Variants in AP2B1 observed in about 807,000 individuals in gnomAD.
AP2B1 encodes adaptor related protein complex 2 subunit beta 1, also known as AP-2 complex subunit beta.
In AP2B1, 23 loss-of-function variants were observed where a neutral mutation model predicts 102.0. That is an observed-to-expected ratio of 0.23 (90% CI 0.16 to 0.32). The LOEUF is 0.32. AP2B1 is among the 10% of genes least tolerant of loss of function. The probability of loss-of-function intolerance (pLI) is 1.00; values close to 1 mark genes in which losing one functional copy is unlikely to be tolerated. For synonymous variants in AP2B1, 381 were observed against 421.2 expected, an observed-to-expected ratio of 0.90 and a Z score of 1.17; for missense variants, 541 against 1,157.4, an observed-to-expected ratio of 0.47 and a Z score of 7.73.
rs1010974498 is a variant in AP2B1 at position 35,725,879 on chromosome 17, A to G, written c.*2180A>G. 3.1e-4 allele frequency: 47 copies of G among 152,246 alleles called. No homozygotes were observed. Among genetic ancestry groups the G allele is most frequent in the African/African-American group, 1.1e-3 (47 of 41,428 alleles). 9.4% of individuals were successfully genotyped at this position (152,246 alleles called of 1,614,324 possible). A position where few individuals can be genotyped will look rare whatever the true frequency, so the allele number is the denominator to read the frequency against. On this transcript the variant is annotated 3_prime_UTR_variant, in exon 22 of 22. Transcript: ENST00000610402. ...CTCAGCCTCCCCACCAGTGATGGATAACAGCTCCTATTCTCAGCTGACCTG... is the reference window on the plus strand; with the variant it reads ...CTCAGCCTCCCCACCAGTGATGGATGACAGCTCCTATTCTCAGCTGACCTG...
chr17:35,640,805 T>G (rs1432306429), intron 11 of AP2B1, among the ~76,000 whole-genome samples: 1 of 152,214 alleles, frequency 6.6e-6, no homozygotes, highest in Non-Finnish European at 1.5e-5. Flanking sequence ...TTTTATTTTC[T>G]GTCACCTAAG....
Position 35,615,588 on chromosome 17 carries a change from A to G in AP2B1, c.525+7201A>G, listed in dbSNP as rs557952454. Among the ~76,000 whole-genome samples, 17 of 152,362 alleles carry G rather than the reference A, an allele frequency of 1.1e-4. No individual in the cohort carries two copies. The South Asian group carries it at 3.5e-3, about 32-fold the overall frequency. On this transcript the variant is annotated intron_variant, in intron 5 of 21. Coordinates refer to ENST00000610402, the MANE Select transcript of AP2B1 (RefSeq NM_001030006.2). ...CCTATTAAAGGTAGGCCCAGAATGC[A>G]TAGAAAAACTTAATGACTTAACTTT...
In AP2B1 at chr17:35,615,214, A is replaced by G. The variant is rs3785758; in HGVS notation, c.525+6827A>G. Among the ~76,000 whole-genome samples, 1,209 of 152,314 alleles carry G rather than the reference A, an allele frequency of 7.9e-3. 85 individuals carry two copies. In the East Asian group the frequency reaches 0.18, roughly 23 times the overall value. On this transcript the variant is annotated intron_variant, in intron 5 of 21. Coordinates refer to ENST00000610402, the MANE Select transcript of AP2B1 (RefSeq NM_001030006.2). ...GCTGCTTACTAGAAATGTGGCTTTG[A>G]ACAAGTTATTTAAAATGAACTTCAG... is the stretch of plus-strand genomic sequence containing the variant.
intron 18 of AP2B1, among the ~76,000 whole-genome samples, chr17:35,704,710 C>T (rs587642383): frequency 3.9e-4 from 60 of 152,184 alleles, no homozygotes; most frequent in African/African-American, 1.2e-3. Flanking sequence ...CAGTGCTAAG[C>T]TTAAGGAGAA....
chr17:35,615,128 G>A (rs1222162526), intron 5 of AP2B1, among the ~76,000 whole-genome samples: 1 of 152,160 alleles, frequency 6.6e-6, no homozygotes, highest in East Asian at 1.9e-4. Flanking sequence ...TGAAACCCTG[G>A]ATTATGGAAA....
chr17:35,644,905 G>A (rs1288750529), intron 12 of AP2B1, among the ~76,000 whole-genome samples: 1 of 152,034 alleles, frequency 6.6e-6, no homozygotes, highest in African/African-American at 2.4e-5. Flanking sequence ...AGTGGCACAC[G>A]CCTGTAATCC....
chr17:35,636,067 A>G (rs2074599950), intron 9 of AP2B1, among the ~76,000 whole-genome samples: 1 of 152,076 alleles, frequency 6.6e-6, no homozygotes, highest in Admixed American at 6.6e-5. Flanking sequence ...TATCCCTGAC[A>G]TAAATGTTTT....
chr17:35,607,674 C>G (rs998247662), intron 4 of AP2B1, among the ~76,000 whole-genome samples: 2 of 152,186 alleles, frequency 1.3e-5, no homozygotes, highest in African/African-American at 4.8e-5. Flanking sequence ...TCCTGTGCTC[C>G]CCTTTGTTTT....
chr17:35,685,679 C>T (rs758766562), intron 18 of AP2B1, among the ~76,000 whole-genome samples: 120 of 152,170 alleles, frequency 7.9e-4, no homozygotes, highest in Non-Finnish European at 1.3e-3. Context: ...ATTATAAAAA[C>T]TTTTCATCAG....
intron 10 of AP2B1, among the ~76,000 whole-genome samples, chr17:35,636,837 G>A (rs2074620423): frequency 6.6e-6 from 1 of 152,156 alleles, no homozygotes; most frequent in Non-Finnish European, 1.5e-5. Flanking sequence ...TCTCAGAAAT[G>A]TATAAGTTTG....
intron 5 of AP2B1, among the ~76,000 whole-genome samples, chr17:35,611,692 A>C (rs1338713461): frequency 6.6e-6 from 1 of 152,166 alleles, no homozygotes; most frequent in African/African-American, 2.4e-5. Flanking sequence ...TTATTGTGGG[A>C]ATCTTCAAAC....
Position 35,641,861 on chromosome 17 carries a change from A to G in AP2B1, c.1438-16A>G, listed in dbSNP as rs758854478. On this transcript the variant is annotated splice_polypyrimidine_tract_variant and intron_variant, in intron 11 of 21. Coordinates refer to ENST00000610402, the MANE Select transcript of AP2B1 (RefSeq NM_001030006.2). ...AGTGCCATTCTTTCACACTATCACA[A>G]ATTATGTCTGTTTAGGTGCAGCTCA... 1.3e-6 allele frequency: 2 copies of G among 1,585,690 alleles called. No homozygotes were observed. Among genetic ancestry groups the G allele is most frequent in the East Asian group, 4.5e-5 (2 of 44,572 alleles).
At chr17:35,607,375 T>C (rs1358121307) in intron 4 of AP2B1, among the ~76,000 whole-genome samples, 1 of 152,252 alleles carries the variant, frequency 6.6e-6, no homozygotes, top group Non-Finnish European at 1.5e-5. Flanking sequence ...AGCTACATTA[T>C]AGAGTCAGAA....
intron 18 of AP2B1, among the ~76,000 whole-genome samples, chr17:35,696,992 C>G (rs1490024088): frequency 6.6e-6 from 1 of 152,210 alleles, no homozygotes; most frequent in Non-Finnish European, 1.5e-5. Context: ...TAACCAGCAT[C>G]AGATTCATCT....
intron 5 of AP2B1, chr17:35,621,442 T>C (rs1383999228): frequency 2.9e-6 from 2 of 698,646 alleles, no homozygotes; most frequent in Non-Finnish European, 1.8e-6. Context: ...AGAGATAGGA[T>C]GGAAGGAACT....
intron 4 of AP2B1, among the ~76,000 whole-genome samples, chr17:35,607,387 G>A (rs551781031): frequency 4.3e-4 from 65 of 152,266 alleles, no homozygotes; most frequent in African/African-American, 1.5e-3. Context: ...GAGTCAGAAC[G>A]TAACAGTTTG....
chr17:35,698,945 C>G, intron 18 of AP2B1, among the ~76,000 whole-genome samples: 1 of 152,188 alleles, frequency 6.6e-6, no homozygotes, highest in East Asian at 1.9e-4. Flanking sequence ...CTATTCATAC[C>G]ACTTTACAAT....
At chr17:35,655,555 C>A (rs941644542) in intron 13 of AP2B1, among the ~76,000 whole-genome samples, 3 of 152,098 alleles carry the variant, frequency 2.0e-5, no homozygotes, top group Non-Finnish European at 2.9e-5. Flanking sequence ...CCATTTATAT[C>A]TTCTATTGCA....
intron 12 of AP2B1, among the ~76,000 whole-genome samples, chr17:35,648,743 A>T (rs1005627909): frequency 8.7e-5 from 13 of 148,590 alleles, no homozygotes; most frequent in Admixed American, 1.3e-4. Context: ...ATATGAAATA[A>T]GTGTGTGTGT....
Sources: allele counts gnomAD v4.1 joint callset (sites outside exome capture counted in the v4.1 genomes callset), GRCh38; gene constraint gnomAD v4.1.1; transcripts MANE v1.5; gene names NCBI Gene and HGNC (gene_info 2026-07-23, HGNC 2026-07-21).